The following PCNT variants were observed in gnomAD, a reference collection of about 807,000 sequenced individuals.
PCNT encodes the protein kendrin.
Under a neutral mutation model 380.4 loss-of-function variants are expected in PCNT, and 319 were observed. The ratio of observed to expected loss-of-function variants is 0.84; its 90% CI spans 0.77 to 0.92. The LOEUF (loss-of-function observed/expected upper bound fraction) is 0.92. Ranked by LOEUF, PCNT falls within the 40% of genes least tolerant of loss-of-function variation. PCNT has a pLI of 0.00. For missense variants in PCNT, 4,400 were observed against 4,255.3 expected, an observed-to-expected ratio of 1.03 and a Z score of -0.95; for synonymous variants, 1,845 against 1,735.2, an observed-to-expected ratio of 1.06 and a Z score of -1.57.
At chr21:46,366,487 G>C in intron 14 of PCNT, 97 bp from the exon 15 acceptor site, 4 of 971,978 alleles carry the variant, frequency 4.1e-6, no homozygotes, top group South Asian at 3.9e-5. Context: ...CTGAACAGTT[G>C]AAGTGGCATT....
chr21:46,416,930 T>C, intron 30 of PCNT, 91 bp downstream of exon 30: 8 of 1,322,048 alleles, frequency 6.1e-6, no homozygotes, highest in Non-Finnish European at 8.4e-6. Context: ...GTTCACCTCC[T>C]GACAGCACAC....
chr21:46,438,785 G>C (rs2053532523), intron 41 of PCNT, among the ~76,000 whole-genome samples: 1 of 149,268 alleles, frequency 6.7e-6, no homozygotes, highest in African/African-American at 2.5e-5. Context: ...CAATTCTCCT[G>C]TGTCAGCCTC....
intron 15 of PCNT, among the ~76,000 whole-genome samples, chr21:46,370,703 C>T (rs528876477): frequency 1.3e-5 from 2 of 152,210 alleles, no homozygotes; most frequent in South Asian, 2.1e-4. Flanking sequence ...CTCAGGAGTT[C>T]GAGACCAGCC....
At chr21:46,360,997 G>C (rs1212426934) in intron 13 of PCNT, among the ~76,000 whole-genome samples, 1 of 152,096 alleles carries the variant, frequency 6.6e-6, no homozygotes, top group Admixed American at 6.6e-5. Context: ...TGTGTTTTTG[G>C]ATTATTTGAA....
chr21:46,417,288 A>G (rs964640132), intron 30 of PCNT, among the ~76,000 whole-genome samples: 29 of 128,974 alleles, frequency 2.2e-4, no homozygotes, highest in Admixed American at 3.0e-4. Context: ...CCGCCTCCCC[A>G]GGTTCAAGCA....
rs548023301 is a variant in PCNT at position 46,413,373 on chromosome 21, T to C, written c.6150+381T>C. Among the ~76,000 whole-genome samples, 65 of 142,562 alleles carry C rather than the reference T, an allele frequency of 4.6e-4. 1 individual carries two copies. Among genetic ancestry groups the C allele is most frequent in the African/African-American group, 1.2e-3 (45 of 38,008 alleles). 93.5% of individuals were successfully genotyped at this position (142,562 alleles called of 152,430 possible). ...CAAGGTGTGGGGAGGGGGGAAGGCGTGAGGCCCCCCTGGGAGAGGCTGGGT... is the reference window on the plus strand; with the variant it reads ...CAAGGTGTGGGGAGGGGGGAAGGCGCGAGGCCCCCCTGGGAGAGGCTGGGT... On this transcript the variant is annotated intron_variant, in intron 29 of 46. Coordinates refer to ENST00000359568, the MANE Select transcript of PCNT (RefSeq NM_006031.6).
intron 31 of PCNT, among the ~76,000 whole-genome samples, chr21:46,418,624 A>C (rs1180059824): frequency 6.6e-6 from 1 of 152,242 alleles, no homozygotes; most frequent in Non-Finnish European, 1.5e-5. Context: ...TCCTTTATGG[A>C]AAAGACACCC....
chr21:46,413,545 C>T (rs1208442296), intron 29 of PCNT, among the ~76,000 whole-genome samples: 2 of 152,342 alleles, frequency 1.3e-5, no homozygotes, highest in African/African-American at 2.4e-5. Context: ...GTACGTGCTT[C>T]ATTTAAGCCA....
Position 46,427,787 on chromosome 21 carries a change from C to A in PCNT, c.7486C>A (p.Arg2496Ser). Reference sequence around the variant, plus strand: ...GCTCGAAAGGCTGGAGAAGATCATCCGTGAGCAGGTGAGTGTCAGCTCTGC... The same window carrying A: ...GCTCGAAAGGCTGGAGAAGATCATCAGTGAGCAGGTGAGTGTCAGCTCTGC... ...SLLERLEKIIREQGDLQEKSL... is the reference protein window; with the variant it reads ...SLLERLEKIISEQGDLQEKSL... Residue 2496 changes from arginine to serine, a missense_variant, in exon 34 of 47, where the codon CGT (arginine) becomes AGT (serine). Transcript: ENST00000359568. 6.2e-7 allele frequency: 1 copy of A among 1,613,382 alleles called. No homozygotes were observed. Among genetic ancestry groups the A allele is most frequent in the Non-Finnish European group, 8.5e-7 (1 of 1,180,012 alleles).
chr21:46,442,596 C>T, intron 44 of PCNT, 23 bp downstream of exon 44: 1 of 1,447,392 alleles, frequency 6.9e-7, no homozygotes. Context: ...CTGCTGTTGA[C>T]CGCTGGACTC....
chr21:46,347,518 CG>C lies in PCNT; in HGVS notation c.1032+9del, dbSNP rs747330459. ...AAAACGCCCAGATAGTAAAGGTACCCGGGATCGATTCTAAAATGCACGCCTC... is the reference window on the plus strand; with the variant it reads ...AAAACGCCCAGATAGTAAAGGTACCCGGATCGATTCTAAAATGCACGCCTC... On this transcript the variant is annotated splice_region_variant and intron_variant, in intron 6 of 46. Coordinates refer to ENST00000359568, the MANE Select transcript of PCNT (RefSeq NM_006031.6). 1.9e-6 allele frequency: 3 copies of C among 1,613,676 alleles called. No individual in the cohort carries two copies. The African/African-American group carries it at 4.0e-5, about 22-fold the overall frequency.
chr21:46,401,488 C>A, intron 25 of PCNT, 63 bp from the exon 26 acceptor site: 4 of 1,304,560 alleles, frequency 3.1e-6, no homozygotes, highest in South Asian at 2.4e-5. Context: ...CTTTAACAGG[C>A]AGCAGTTGAG....
At chr21:46,412,156 C>A in intron 28 of PCNT, 89 bp downstream of exon 28, 1 of 1,438,550 alleles carries the variant, frequency 7.0e-7, no homozygotes, top group Non-Finnish European at 9.4e-7. Context: ...GCGCTGGGCA[C>A]TGGGGGCTGC....
intron 15 of PCNT, among the ~76,000 whole-genome samples, chr21:46,377,253 A>AGGGAGC (rs1304243023): frequency 6.6e-6 from 1 of 152,216 alleles, no homozygotes; most frequent in Non-Finnish European, 1.5e-5. Flanking sequence ...CGTGCTGGGC[A>AGGGAGC]GGGAGCGGGA....
intron 15 of PCNT, among the ~76,000 whole-genome samples, chr21:46,374,082 AC>A (rs2085252249): frequency 6.6e-6 from 1 of 152,068 alleles, no homozygotes; most frequent in African/African-American, 2.4e-5. Flanking sequence ...ACAGAAGAAA[AC>A]AATTGGGCTG....
chr21:46,341,770 C>T (rs1307544222), intron 3 of PCNT, among the ~76,000 whole-genome samples: 1 of 152,026 alleles, frequency 6.6e-6, no homozygotes, highest in Non-Finnish European at 1.5e-5. Flanking sequence ...ACTCTCCACC[C>T]CTGGGCTCAA....
At chr21:46,420,419 A>G (rs1205740327) in intron 31 of PCNT, 2 of 152,096 alleles carry the variant, frequency 1.3e-5, no homozygotes, top group Non-Finnish European at 2.9e-5. Context: ...TCATATTTTA[A>G]ATTTCTCAGA....
rs1411842498 is a variant in PCNT at position 46,359,526 on chromosome 21, A to G, written c.2154+2335A>G. On this transcript the variant is annotated intron_variant, in intron 13 of 46. Transcript: ENST00000359568. ...TTTTTTTGAGACAGTGTCTCACTCTATCGCCAGGGTGGAGTGTAGAGGCGT... is the reference window on the plus strand; with the variant it reads ...TTTTTTTGAGACAGTGTCTCACTCTGTCGCCAGGGTGGAGTGTAGAGGCGT... 5.6e-5 allele frequency among the ~76,000 whole-genome samples: 5 copies of G among 88,902 alleles called. 1 individual carries two copies. The highest frequency in any genetic ancestry group is 7.1e-4 in the South Asian group (2 of 2,832). 58.3% of individuals were successfully genotyped at this position (88,902 alleles called of 152,430 possible).
chr21:46,384,287 CAGTGCTGTG>C, intron 16 of PCNT, among the ~76,000 whole-genome samples: 1 of 147,326 alleles, frequency 6.8e-6, no homozygotes, highest in South Asian at 2.3e-4. Flanking sequence ...AGCGCATTCA[CAGTGCTGTG>C]CATTCAGTGG....
Sources: allele counts gnomAD v4.1 joint callset (sites outside exome capture counted in the v4.1 genomes callset), GRCh38; gene constraint gnomAD v4.1.1; transcripts MANE v1.5; gene names NCBI Gene and HGNC (gene_info 2026-07-23, HGNC 2026-07-21).